The following UNC13C variants were observed in gnomAD, a reference collection of about 807,000 sequenced individuals.
UNC13C encodes protein unc-13 homolog C.
UNC13C carries 174 observed loss-of-function variants against 245.4 expected under a neutral mutation model. That is an observed-to-expected ratio of 0.71 (90% CI 0.63 to 0.80). The LOEUF (loss-of-function observed/expected upper bound fraction) is 0.80, where lower values mean the gene tolerates loss of function less well. Among genes scored for constraint, UNC13C ranks in the 30% least tolerant of loss-of-function variants. UNC13C has a pLI of 0.00. For synonymous variants in UNC13C, 992 were observed against 895.1 expected, an observed-to-expected ratio of 1.11 and a Z score of -1.93; for missense variants, 2,829 against 2,602.9, an observed-to-expected ratio of 1.09 and a Z score of -1.89.
intron 19 of UNC13C, among the ~76,000 whole-genome samples, chr15:54,482,914 TA>T (rs1290621485): frequency 6.6e-6 from 1 of 152,218 alleles, no homozygotes; most frequent in African/African-American, 2.4e-5. Context: ...TCTTATCCTC[TA>T]ACTTTTTAAT....
intron 10 of UNC13C, among the ~76,000 whole-genome samples, chr15:54,277,256 C>A (rs1398060740): frequency 6.6e-6 from 1 of 152,142 alleles, no homozygotes; most frequent in Non-Finnish European, 1.5e-5. Flanking sequence ...TATGTTTCTA[C>A]CCAGTAAACT....
At chr15:54,109,424 C>T (rs2141171874) in intron 2 of UNC13C, among the ~76,000 whole-genome samples, 1 of 150,422 alleles carries the variant, frequency 6.6e-6, no homozygotes, top group Middle Eastern at 3.4e-3. Context: ...TCACCACAGC[C>T]TCCACCTCCC....
chr15:54,280,683 CATATATAAACATATGTATACATACAT>C (rs1567156666), intron 10 of UNC13C, among the ~76,000 whole-genome samples: 50 of 90,460 alleles, frequency 5.5e-4, no homozygotes, highest in African/African-American at 3.1e-3. Flanking sequence ...TACATATATA[CATATATAAACATATGTATACATACAT>C]ATATACATAT....
chr15:54,563,246 T>C (rs1897368763), intron 29 of UNC13C, among the ~76,000 whole-genome samples: 1 of 152,060 alleles, frequency 6.6e-6, no homozygotes, highest in Admixed American at 6.6e-5. Context: ...ATTGCATATC[T>C]GTCAAACATG....
chr15:54,599,644 G>A (rs901126606), intron 30 of UNC13C, among the ~76,000 whole-genome samples: 13 of 152,006 alleles, frequency 8.6e-5, no homozygotes, highest in Admixed American at 4.6e-4. Flanking sequence ...CCAACTACCC[G>A]AAACACATGG....
chr15:54,444,024 C>T (rs1230011810), intron 19 of UNC13C, among the ~76,000 whole-genome samples: 1 of 151,828 alleles, frequency 6.6e-6, no homozygotes, highest in Non-Finnish European at 1.5e-5. Flanking sequence ...TTTATTGGAG[C>T]CCATCTTTCC....
At chr15:54,458,703 T>TTTTTTC (rs56086043) in intron 19 of UNC13C, among the ~76,000 whole-genome samples, 1 of 145,048 alleles carries the variant, frequency 6.9e-6, no homozygotes, top group Non-Finnish European at 1.5e-5. Context: ...TTTTTTTTTT[T>TTTTTTC]AAGGGAATAG....
intron 17 of UNC13C, among the ~76,000 whole-genome samples, chr15:54,370,234 T>A (rs570597772): frequency 6.6e-6 from 1 of 152,224 alleles, no homozygotes; most frequent in South Asian, 2.1e-4. Context: ...ATATCCAGTC[T>A]CTTCATTGAC....
intron 10 of UNC13C, among the ~76,000 whole-genome samples, chr15:54,273,986 G>A (rs573536415): frequency 4.6e-5 from 7 of 152,146 alleles, no homozygotes; most frequent in East Asian, 1.9e-4. Context: ...TAAATAATTC[G>A]TTGAACATGT....
intron 7 of UNC13C, among the ~76,000 whole-genome samples, 194 bp from the exon 8 acceptor site, chr15:54,250,031 G>C (rs1359733464): frequency 1.3e-5 from 2 of 151,864 alleles, no homozygotes; most frequent in African/African-American, 4.8e-5. Context: ...AACTGAATAG[G>C]GCCCTAAAAC....
At chr15:53,867,459 G>A in the UNC13C span, among the ~76,000 whole-genome samples, 3 of 152,186 alleles carry the variant, frequency 2.0e-5, no homozygotes, top group Non-Finnish European at 4.4e-5. Context: ...CCCAGCGTCT[G>A]TCTGTACAGA....
chr15:54,337,670 G>A lies in UNC13C; in HGVS notation c.4585-691G>A, dbSNP rs1329812047. Among the ~76,000 whole-genome samples, 4 of 152,134 alleles carry A rather than the reference G, an allele frequency of 2.6e-5. No individual in the cohort carries two copies. The East Asian group carries it at 7.7e-4, about 29-fold the overall frequency. ...CTTCTCTAGACTAAATTGTAACGCT[G>A]TTCTCATAATTGGTCTTTCTATTTT... On this transcript the variant is annotated intron_variant, in intron 16 of 32. Coordinates refer to ENST00000260323, the MANE Select transcript of UNC13C (RefSeq NM_001080534.3).
intron 2 of UNC13C, among the ~76,000 whole-genome samples, chr15:54,064,613 T>C (rs940354493): frequency 2.0e-5 from 3 of 152,206 alleles, no homozygotes; most frequent in African/African-American, 7.2e-5. Context: ...ATTCCAAATA[T>C]ATATTTACTC....
chr15:54,371,774 G>A (rs1030264455), intron 17 of UNC13C, among the ~76,000 whole-genome samples: 2 of 151,838 alleles, frequency 1.3e-5, no homozygotes, highest in Non-Finnish European at 2.9e-5. Context: ...AAAAAAGAGG[G>A]AAATCCTGTC....
At chr15:54,518,817 C>T (rs1202312180) in intron 24 of UNC13C, among the ~76,000 whole-genome samples, 1 of 152,134 alleles carries the variant, frequency 6.6e-6, no homozygotes, top group African/African-American at 2.4e-5. Flanking sequence ...ATGGGTCAGA[C>T]AGAGTAGGTC....
intron 19 of UNC13C, among the ~76,000 whole-genome samples, chr15:54,441,734 T>A (rs1336266937): frequency 6.6e-6 from 1 of 152,002 alleles, no homozygotes; most frequent in Non-Finnish European, 1.5e-5. Context: ...AAAAACTACG[T>A]TGGTATTTTA....
Position 54,437,686 on chromosome 15 carries a change from C to G in UNC13C, c.4933+22619C>G, listed in dbSNP as rs538531710. Reference sequence around the variant, plus strand: ...TAGTCCAGTTCTGATCGATTGCAAACAGGAACACTGTTGACAAGGAACAAT... The same window carrying G: ...TAGTCCAGTTCTGATCGATTGCAAAGAGGAACACTGTTGACAAGGAACAAT... On this transcript the variant is annotated intron_variant, in intron 19 of 32. Transcript: ENST00000260323. Among the ~76,000 whole-genome samples the G allele has an allele frequency of 2.0e-5, 3 of 152,046 alleles. No homozygotes were observed. The South Asian group carries it at 6.2e-4, about 32-fold the overall frequency.
the UNC13C span, chr15:53,914,597 G>T: frequency 6.5e-6 from 1 of 152,814 alleles, no homozygotes; most frequent in Admixed American, 6.5e-5. Context: ...AGGTGTCGGG[G>T]CAGCAGGGGC....
At chr15:54,056,601 T>C (rs995774104) in intron 2 of UNC13C, among the ~76,000 whole-genome samples, 5 of 152,040 alleles carry the variant, frequency 3.3e-5, no homozygotes, top group African/African-American at 1.2e-4. Flanking sequence ...ATTCAGGAAA[T>C]ACAGAGAACG....
Sources: allele counts gnomAD v4.1 joint callset (sites outside exome capture counted in the v4.1 genomes callset), GRCh38; gene constraint gnomAD v4.1.1; transcripts MANE v1.5; gene names NCBI Gene and HGNC (gene_info 2026-07-23, HGNC 2026-07-21).